The following KRT5 variants were observed in gnomAD, a reference collection of about 807,000 sequenced individuals.
KRT5 encodes the protein keratin 5.
KRT5 carries 17 observed loss-of-function variants against 44.0 expected under a neutral mutation model. The ratio of observed to expected loss-of-function variants is 0.39; its 90% CI spans 0.26 to 0.58. The LOEUF (loss-of-function observed/expected upper bound fraction) is 0.58, where lower values mean the gene tolerates loss of function less well. Ranked by LOEUF, KRT5 falls within the 20% of genes least tolerant of loss-of-function variation. KRT5 has a pLI of 0.61. For missense variants in KRT5, 737 were observed against 785.5 expected (o/e 0.94, Z 0.74); for synonymous variants, 329 against 312.8 (o/e 1.05, Z -0.55).
chr12:52,515,228 C>T lies in KRT5; in HGVS notation c.1487G>A (p.Ser496Asn). Reference protein sequence around the residue: ...VGPVNISVVTSSVSSGYGSGS... With the variant: ...VGPVNISVVTNSVSSGYGSGS... ...ACTGCCATATCCAGAGGAAACACTG[C>T]TTGTGACAACAGCTGCAGGGAAAGG... Residue 496 changes from serine (S) to asparagine (N), a missense_variant, in exon 9 of 9, where the codon AGC becomes AAC. Around this residue, in one of 5 missense-constraint regions of KRT5, gnomAD observed 344 missense variants for 351.6 expected, o/e 0.98. Transcript: ENST00000252242. 3 of 1,607,820 alleles carry T rather than the reference C, an allele frequency of 1.9e-6. No individual in the cohort carries two copies. The highest frequency in any genetic ancestry group is 8.5e-7 in the Non-Finnish European group (1 of 1,179,928).
At position 52,515,005 on chromosome 12, in the gene KRT5, A is replaced by T. The variant is rs201553490; in HGVS notation, c.1710T>A (p.Gly570=). The T allele has an allele frequency of 2.6e-6, 4 of 1,555,444 alleles. No homozygotes were observed. The highest frequency in any genetic ancestry group is 3.5e-6 in the Non-Finnish European group (4 of 1,146,350). The change falls in exon 9 of 9, where the codon GGT becomes GGA. Residue 570 remains glycine, a synonymous_variant. Coordinates refer to ENST00000252242, the MANE Select transcript of KRT5 (RefSeq NM_000424.4). ...AGACAAATTTGACGCTGGAGCTGCT[A>T]CCCCCGCCACTGCCAAAGCCCACCC... The part of the protein sequence containing the change: ...GLGVGFGSGG[G]SSSSVKFVST...
chr12:52,519,187 G>C, intron 1 of KRT5, 27 bp from the exon 2 acceptor site: 1 of 1,613,662 alleles, frequency 6.2e-7, no homozygotes, highest in Non-Finnish European at 8.5e-7. Context: ...TTTGAAGATA[G>C]AGAAACTTGG....
At chr12:52,517,358 G>A in intron 5 of KRT5, 126 bp from the exon 6 acceptor site, 2 of 1,224,772 alleles carry the variant, frequency 1.6e-6, no homozygotes, top group South Asian at 2.5e-5. Flanking sequence ...CTTTTCCAAG[G>A]CTGAGCTAGT....
In KRT5 at chr12:52,514,730, G is replaced by A; in HGVS notation, c.*212C>T. ...GGGCCATGCTGTGGGAAACCTGAAG[G>A]CTGATTTGAAGCAGAATATAGAACT... On this transcript the variant is annotated 3_prime_UTR_variant, in exon 9 of 9. Transcript: ENST00000252242. 1 of 574,592 alleles carries A rather than the reference G, an allele frequency of 1.7e-6. No individual in the cohort carries two copies. Among genetic ancestry groups the A allele is most frequent in the Admixed American group, 3.1e-5 (1 of 32,362 alleles). 35.6% of individuals were successfully genotyped at this position (574,592 alleles called of 1,614,324 possible).
At position 52,517,688 on chromosome 12, in the gene KRT5, T is replaced by C; in HGVS notation, c.994A>G (p.Asn332Asp). 6.2e-7 allele frequency: 1 copy of C among 1,614,200 alleles called. No individual in the cohort carries two copies. The highest frequency in any genetic ancestry group is 2.2e-5 in the East Asian group (1 of 44,878). ...GCGATGATGCTATCCAGGTCCAGGT[T>C]GCGGTTGTTGTCCATGGAGAGGACC... ...SVVLSMDNNR[N>D]LDLDSIIAEV... is the part of the protein sequence containing the mutation. Residue 332 changes from asparagine (N) to aspartate (D), a missense_variant, in exon 5 of 9, where the codon AAC becomes GAC. This residue lies in a region of KRT5 where 344 missense variants were observed against 351.6 expected (regional missense o/e 0.98). Transcript: ENST00000252242.
At chr12:52,519,698 T>A in intron 1 of KRT5, 44 bp downstream of exon 1, 1 of 1,573,186 alleles carries the variant, frequency 6.4e-7, no homozygotes, top group East Asian at 2.2e-5. Context: ...CTTTGGCATT[T>A]ATTTCAGACC....
At position 52,518,933 on chromosome 12, in the gene KRT5, C is replaced by T; in HGVS notation, c.770+13G>A. On this transcript the variant is annotated intron_variant, in intron 2 of 8. Transcript: ENST00000252242. ...ACCACCCTCCCCTGTGTCCACCCTC[C>T]ACCCCAACTCACTTGTTCTTGAAGT... 6.2e-7 allele frequency: 1 copy of T among 1,614,184 alleles called. No homozygotes were observed. The highest frequency in any genetic ancestry group is 8.5e-7 in the Non-Finnish European group (1 of 1,180,010).
chr12:52,516,251 T>C, intron 7 of KRT5: 1 of 395,138 alleles, frequency 2.5e-6, no homozygotes, highest in Admixed American at 3.9e-5. Context: ...GGTAGCTGAG[T>C]TTAACTCAGC....
At chr12:52,516,555 T>A in intron 7 of KRT5, 82 bp downstream of exon 7, 1 of 1,279,372 alleles carries the variant, frequency 7.8e-7, no homozygotes, top group Non-Finnish European at 1.1e-6. Context: ...ACTGATCTCA[T>A]GTATGTGTGT....
chr12:52,516,384 G>A (rs1938609699), intron 7 of KRT5: 2 of 525,786 alleles, frequency 3.8e-6, no homozygotes, highest in South Asian at 2.0e-5. Context: ...AAAGGCACAA[G>A]TGTCAAGAAG....
At chr12:52,519,447 C>T (rs1356401621) in intron 1 of KRT5, 1 of 629,016 alleles carries the variant, frequency 1.6e-6, no homozygotes, top group Non-Finnish European at 2.8e-6. Context: ...ATGCACTTGT[C>T]TACCTTCCTG....
At chr12:52,516,298 A>C in intron 7 of KRT5, 1 of 404,490 alleles carries the variant, frequency 2.5e-6, no homozygotes. Flanking sequence ...AGGAAGGGGT[A>C]CTGGAGGACA....
intron 1 of KRT5, 143 bp from the exon 2 acceptor site, chr12:52,519,303 G>A (rs911242001): frequency 1.3e-5 from 16 of 1,246,320 alleles, no homozygotes; most frequent in Admixed American, 4.0e-5. Flanking sequence ...GAGGGGAGGT[G>A]CAGACTGAGG....
At chr12:52,515,892 T>C in intron 7 of KRT5, 60 bp from the exon 8 acceptor site, 9 of 1,368,244 alleles carry the variant, frequency 6.6e-6, no homozygotes, top group Middle Eastern at 1.8e-4. Context: ...CATTAGTCTA[T>C]GTGGCTAACT....
At chr12:52,516,593 C>A in intron 7 of KRT5, 44 bp downstream of exon 7, 1 of 1,589,968 alleles carries the variant, frequency 6.3e-7, no homozygotes, top group Non-Finnish European at 8.6e-7. Context: ...AGCAGCTTCG[C>A]TTTATCAGCT....
intron 8 of KRT5, 172 bp downstream of exon 8, chr12:52,515,626 C>T (rs1227191798): frequency 1.4e-6 from 1 of 691,184 alleles, no homozygotes; most frequent in Non-Finnish European, 2.6e-6. Context: ...ACATTGCTTC[C>T]TGTCCCAATC....
rs377514553 is a variant in KRT5, at chr12:52,516,720, C to T, written c.1356G>A (p.Glu452=). The change falls in exon 7 of 9, where the codon GAG becomes GAA. Residue 452 remains glutamate (E), a synonymous_variant. Transcript: ENST00000252242. ...GCTTGGTGTTCATGAGCTCCTGGTA[C>T]TCACGCAGCAGCCGGGCCATGTCCT... ...AKQDMARLLR[E]YQELMNTKLA... is the part of the protein sequence containing the mutation. 1.9e-6 allele frequency: 3 copies of T among 1,614,218 alleles called. No individual in the cohort carries two copies. Among genetic ancestry groups the T allele is most frequent in the Non-Finnish European group, 2.5e-6 (3 of 1,180,046 alleles).
chr12:52,518,987 C>T lies in KRT5; in HGVS notation c.729G>A (p.Glu243=). Residue 243 remains glutamate, a synonymous_variant, in exon 2 of 9, where the codon GAG becomes GAA. Transcript: ENST00000252242. ...CCACCAGGTCCTGCATGTTTCTCAG[C>T]TCTGAGTCCAGGCGGCCCCGTTCCC... ...IVGERGRLDS[E]LRNMQDLVED... is the part of the protein sequence containing the mutation. 1 of 1,614,226 alleles carries T rather than the reference C, an allele frequency of 6.2e-7. No homozygotes were observed. The highest frequency in any genetic ancestry group is 1.1e-5 in the South Asian group (1 of 91,082).
In KRT5 at chr12:52,516,734, G is replaced by T. The variant is rs767296169; in HGVS notation, c.1342C>A (p.Arg448=). Residue 448 remains arginine, a synonymous_variant, in exon 7 of 9, where the codon CGG becomes AGG. Coordinates refer to ENST00000252242, the MANE Select transcript of KRT5 (RefSeq NM_000424.4). ...ALQKAKQDMA[R]LLREYQELMN... ...AGCTCCTGGTACTCACGCAGCAGCC[G>T]GGCCATGTCCTGCTTGGCCTTCTGC... 1 of 1,614,220 alleles carries T rather than the reference G, an allele frequency of 6.2e-7. No individual in the cohort carries two copies. The highest frequency in any genetic ancestry group is 1.1e-5 in the South Asian group (1 of 91,088).
Sources: allele counts gnomAD v4.1 joint callset, GRCh38; gene constraint gnomAD v4.1.1; regional missense constraint gnomAD v4.1.1; transcripts MANE v1.5; gene names NCBI Gene and HGNC (gene_info 2026-07-23, HGNC 2026-07-21).